Variants in SCHIP1 observed in about 807,000 individuals in gnomAD.
The protein encoded by SCHIP1 is schwannomin interacting protein 1.
A neutral mutation model predicts 29.7 loss-of-function variants in SCHIP1; 8 were observed. The ratio of observed to expected loss-of-function variants is 0.27; its 90% CI spans 0.16 to 0.49. SCHIP1 has a LOEUF of 0.49. SCHIP1 is among the 20% of genes least tolerant of loss of function. SCHIP1 has a pLI of 0.99. For synonymous variants in SCHIP1, 76 were observed against 94.9 expected (o/e 0.80, Z 1.16); for missense variants, 193 against 294.6 (o/e 0.66, Z 2.52).
chr3:159,713,253 A>AAAGAAGG, the SCHIP1 span, among the ~76,000 whole-genome samples: 1 of 149,208 alleles, frequency 6.7e-6, no homozygotes, highest in South Asian at 2.1e-4. Flanking sequence ...AGAAAGAAAG[A>AAAGAAGG]AAGAAAGAAA....
the SCHIP1 span, among the ~76,000 whole-genome samples, chr3:159,745,965 T>A: frequency 3.6e-3 from 554 of 152,278 alleles, 3 homozygotes; most frequent in African/African-American, 0.013. Flanking sequence ...GACCACTGTC[T>A]TAAAATGATA....
chr3:159,826,166 CA>C, the SCHIP1 span, among the ~76,000 whole-genome samples: 1 of 152,122 alleles, frequency 6.6e-6, no homozygotes, highest in African/African-American at 2.4e-5. Context: ...TTTTAATTCA[CA>C]AAGGGTAAGG....
At chr3:159,844,430 C>T (rs1159147505) in intron 1 of SCHIP1, among the ~76,000 whole-genome samples, 2 of 152,180 alleles carry the variant, frequency 1.3e-5, no homozygotes, top group Admixed American at 1.3e-4. Flanking sequence ...CTGCTCACAT[C>T]GTCGTCATCT....
the SCHIP1 span, among the ~76,000 whole-genome samples, chr3:159,744,691 A>G: frequency 6.6e-6 from 1 of 152,210 alleles, no homozygotes; most frequent in Non-Finnish European, 1.5e-5. Context: ...GAAAGTGTTC[A>G]ATGGGGCCAG....
the SCHIP1 span, among the ~76,000 whole-genome samples, chr3:159,624,829 G>C: frequency 1.3e-5 from 2 of 152,098 alleles, no homozygotes; most frequent in Non-Finnish European, 2.9e-5. Flanking sequence ...AGCACCTGAG[G>C]GACTTGTTTG....
At chr3:159,481,526 GTTGT>G in the SCHIP1 span, among the ~76,000 whole-genome samples, 1 of 152,094 alleles carries the variant, frequency 6.6e-6, no homozygotes, top group South Asian at 2.1e-4. Flanking sequence ...CTAAAAAAAA[GTTGT>G]TTATGGGAAA....
the SCHIP1 span, among the ~76,000 whole-genome samples, chr3:159,326,390 C>G: frequency 1.3e-5 from 2 of 152,284 alleles, 1 homozygote; most frequent in South Asian, 4.1e-4. Context: ...AGCTAAGAAG[C>G]TGTGAAACTC....
At chr3:159,614,570 T>C in the SCHIP1 span, among the ~76,000 whole-genome samples, 4 of 152,190 alleles carry the variant, frequency 2.6e-5, no homozygotes, top group Admixed American at 6.5e-5. Flanking sequence ...AGAGGAGTGA[T>C]GGAATAACAC....
chr3:159,824,454 C>G, the SCHIP1 span, among the ~76,000 whole-genome samples: 1 of 152,050 alleles, frequency 6.6e-6, no homozygotes, highest in Non-Finnish European at 1.5e-5. Context: ...TGGCCTCATT[C>G]CACTCACCAG....
At chr3:159,689,803 A>AT in the SCHIP1 span, among the ~76,000 whole-genome samples, 1 of 152,296 alleles carries the variant, frequency 6.6e-6, no homozygotes, top group South Asian at 2.1e-4. Context: ...TGTTTTTAGC[A>AT]TGAAGGGGTG....
chr3:159,487,757 GAGGCAGA>G, the SCHIP1 span, among the ~76,000 whole-genome samples: 1 of 152,254 alleles, frequency 6.6e-6, no homozygotes, highest in Non-Finnish European at 1.5e-5. Context: ...ATCTTAAAGG[GAGGCAGA>G]ATCACCTTCT....
chr3:159,432,017 T>G, the SCHIP1 span, among the ~76,000 whole-genome samples: 204 of 152,176 alleles, frequency 1.3e-3, no homozygotes, highest in Non-Finnish European at 2.1e-3. Context: ...CTATAAGCAT[T>G]TATTATCTCA....
the SCHIP1 span, among the ~76,000 whole-genome samples, chr3:159,709,501 G>A: frequency 6.6e-6 from 1 of 152,174 alleles, no homozygotes; most frequent in Non-Finnish European, 1.5e-5. Context: ...TCAGTCTTAT[G>A]TCATCAAAAG....
At chr3:159,593,169 T>C in the SCHIP1 span, among the ~76,000 whole-genome samples, 1 of 152,170 alleles carries the variant, frequency 6.6e-6, no homozygotes, top group Non-Finnish European at 1.5e-5. Flanking sequence ...TGGCACTTAG[T>C]AAATATTTAA....
the SCHIP1 span, among the ~76,000 whole-genome samples, chr3:159,299,464 AAGTG>A: frequency 6.6e-6 from 1 of 152,200 alleles, no homozygotes; most frequent in Non-Finnish European, 1.5e-5. Context: ...AACAACAAAA[AAGTG>A]AGGCAAGAGT....
the SCHIP1 span, among the ~76,000 whole-genome samples, chr3:159,537,181 G>A: frequency 1.3e-5 from 2 of 152,102 alleles, no homozygotes; most frequent in Non-Finnish European, 2.9e-5. Context: ...TCAGACCAAG[G>A]AGGGATGAAA....
At chr3:159,808,731 C>T in the SCHIP1 span, among the ~76,000 whole-genome samples, 5 of 152,118 alleles carry the variant, frequency 3.3e-5, no homozygotes, top group African/African-American at 9.7e-5. Flanking sequence ...TATACCAGCC[C>T]AGGGTGTGGC....
At chr3:159,472,645 A>G in the SCHIP1 span, among the ~76,000 whole-genome samples, 1 of 152,312 alleles carries the variant, frequency 6.6e-6, no homozygotes, top group African/African-American at 2.4e-5. Context: ...AGTAGAAGAC[A>G]TTTAGAGGCC....
At chr3:159,350,530 G>A in the SCHIP1 span, among the ~76,000 whole-genome samples, 1 of 152,042 alleles carries the variant, frequency 6.6e-6, no homozygotes, top group Non-Finnish European at 1.5e-5. Context: ...TGATAAAATA[G>A]GAATTGGAGT....
Sources: allele counts gnomAD v4.1 joint callset (sites outside exome capture counted in the v4.1 genomes callset), GRCh38; gene constraint gnomAD v4.1.1; transcripts MANE v1.5; gene names NCBI Gene and HGNC (gene_info 2026-07-23, HGNC 2026-07-21).